The following FURIN variants were observed in gnomAD, a reference collection of about 807,000 sequenced individuals.
FURIN encodes furin, paired basic amino acid cleaving enzyme.
FURIN carries 18 observed loss-of-function variants against 89.2 expected under a neutral mutation model. That is an observed-to-expected ratio of 0.20 (90% confidence interval 0.14 to 0.30). The LOEUF is 0.30. Ranked by LOEUF, FURIN falls within the 10% of genes least tolerant of loss-of-function variation. The pLI, the probability that FURIN is intolerant of heterozygous loss-of-function variation, is 1.00. For missense variants in FURIN, 879 were observed against 1,100.5 expected (o/e 0.80, Z 2.85); for synonymous variants, 508 against 466.4 (o/e 1.09, Z -1.15).
chr15:90,871,494 C>A (rs1412417437), intron 1 of FURIN: 7 of 148,854 alleles, frequency 4.7e-5, no homozygotes, highest in Non-Finnish European at 9.0e-5. Flanking sequence ...CTGGGGCCCA[C>A]GGCGCTGGGA....
In FURIN at chr15:90,878,771, G is replaced by C. The variant is rs369507279; in HGVS notation, c.848G>C (p.Gly283Ala). ...AGCCCACTCTGTCCACAGGGCCGAG[G>C]GGGGCTGGGCTCCATCTTTGTCTGG... ...AFFRGVSQGR[G>A]GLGSIFVWAS... The change falls in exon 9 of 16, where the codon GGG (glycine) becomes GCG (alanine). Residue 283 changes from glycine (G) to alanine (A), a missense_variant. Physicochemically the swap from Gly to Ala is moderately conservative, Grantham distance 60 (BLOSUM62 0). This residue lies in a region of FURIN where 156 missense variants were observed against 243.7 expected (regional missense o/e 0.64). Coordinates refer to ENST00000268171, the MANE Select transcript of FURIN (RefSeq NM_002569.4). 2.9e-5 allele frequency: 46 copies of C among 1,601,780 alleles called. No individual in the cohort carries two copies. Among genetic ancestry groups the C allele is most frequent in the South Asian group, 1.4e-4 (13 of 90,848 alleles).
intron 13 of FURIN, 102 bp downstream of exon 13, chr15:90,880,375 A>T: frequency 1.1e-6 from 1 of 952,052 alleles, no homozygotes; most frequent in Non-Finnish European, 1.5e-6. Context: ...ACTGAGTGCT[A>T]CTCAGTGGGG....
Position 90,879,479 on chromosome 15 carries a change from T to C in FURIN, c.1089T>C (p.Ser363=). 3.1e-6 allele frequency: 5 copies of C among 1,613,506 alleles called. No homozygotes were observed. The highest frequency in any genetic ancestry group is 4.2e-6 in the Non-Finnish European group (5 of 1,179,650). Residue 363 remains serine (S), a synonymous_variant, in exon 10 of 16, where the codon TCT becomes TCC. Coordinates refer to ENST00000268171, the MANE Select transcript of FURIN (RefSeq NM_002569.4). ...TTDLRQKCTE[S]HTGTSASAPL... ...ACTTGCGGCAGAAGTGCACGGAGTC[T>C]CACACGGGCACCTCAGCCTCTGCCC... is the stretch of plus-strand genomic sequence containing the variant.
In FURIN at chr15:90,882,058, G is replaced by C; in HGVS notation, c.*180G>C. On this transcript the variant is annotated 3_prime_UTR_variant, in exon 16 of 16. Coordinates refer to ENST00000268171, the MANE Select transcript of FURIN (RefSeq NM_002569.4). ...ACCTGAGGTGGGCCCAGGACCAGCT[G>C]GGGCGTGGGGAGGGCCGTACCCCAC... is the stretch of plus-strand genomic sequence containing the variant. 1.7e-6 allele frequency: 1 copy of C among 593,266 alleles called. No homozygotes were observed. Among genetic ancestry groups the C allele is most frequent in the East Asian group, 2.9e-5 (1 of 34,038 alleles). 36.8% of individuals were successfully genotyped at this position (593,266 alleles called of 1,614,324 possible).
In FURIN at chr15:90,882,015, C is replaced by T. The variant is rs2032010120; in HGVS notation, c.*137C>T. 3.0e-6 allele frequency: 2 copies of T among 674,268 alleles called. No individual in the cohort carries two copies. Among genetic ancestry groups the T allele is most frequent in the Non-Finnish European group, 2.5e-6 (1 of 394,306 alleles). The allele number at this position is 674,268 out of a possible 1,614,324, so 41.8% of individuals were successfully genotyped here. A position where few individuals can be genotyped will look rare whatever the true frequency, so the allele number is the denominator to read the frequency against. On this transcript the variant is annotated 3_prime_UTR_variant, in exon 16 of 16. Transcript: ENST00000268171. The stretch of plus-strand genomic sequence containing the variant: ...GGGTGGAGACTGCTTCCCATCCTAC[C>T]CTCGGGCCCACCTGGCCACCTGAGG...
chr15:90,881,298 G>T lies in FURIN; in HGVS notation c.1805G>T (p.Gly602Val). The T allele has an allele frequency of 6.2e-7, 1 of 1,600,214 alleles. No homozygotes were observed. Among genetic ancestry groups the T allele is most frequent in the Non-Finnish European group, 8.5e-7 (1 of 1,170,826 alleles). Reference protein sequence around the residue: ...SSQACVVCEEGFSLHQKSCVQ... With the variant: ...SSQACVVCEEVFSLHQKSCVQ... ...CCCACGCCGGCAGTGTGCGAGGAAG[G>T]CTTCTCCCTGCACCAGAAGAGCTGT... The change falls in exon 16 of 16, where the codon GGC becomes GTC. Residue 602 changes from glycine (G) to valine (V), a missense_variant. Gly to Val is a moderately radical substitution (Grantham distance 109, BLOSUM62 -3). Transcript: ENST00000268171. This position sits in a 1 kb window ranked among gnomAD's most constrained non-coding sequence, Gnocchi z 4.3.
chr15:90,879,055 T>A, intron 9 of FURIN, 79 bp downstream of exon 9: 2 of 896,044 alleles, frequency 2.2e-6, no homozygotes, highest in Non-Finnish European at 3.5e-6. Context: ...TTGGAGGCTG[T>A]CTGCCTCCAC....
Position 90,880,786 on chromosome 15 carries a change from T to C in FURIN, c.1652T>C (p.Ile551Thr), listed in dbSNP as rs1567085055. 6.2e-7 allele frequency: 1 copy of C among 1,613,616 alleles called. No individual in the cohort carries two copies. Among genetic ancestry groups the C allele is most frequent in the African/African-American group, 1.3e-5 (1 of 74,852 alleles). Residue 551 changes from isoleucine to threonine, a missense_variant, in exon 14 of 16, where the codon ATT becomes ACT. Physicochemically the swap from Ile to Thr is moderately conservative, Grantham distance 89 (BLOSUM62 -1). Coordinates refer to ENST00000268171, the MANE Select transcript of FURIN (RefSeq NM_002569.4). Reference sequence around the variant, plus strand: ...CCCTCTGGCGAGTGGGTCCTAGAGATTGAAAACACCAGCGAAGCCAACAAC... The same window carrying C: ...CCCTCTGGCGAGTGGGTCCTAGAGACTGAAAACACCAGCGAAGCCAACAAC... The part of the protein sequence containing the change: ...EDPSGEWVLE[I>T]ENTSEANNYG...
intron 1 of FURIN, among the ~76,000 whole-genome samples, chr15:90,869,703 AG>A (rs1385604275): frequency 6.6e-6 from 1 of 152,200 alleles, no homozygotes; most frequent in Non-Finnish European, 1.5e-5. Flanking sequence ...ATCTGAGCCT[AG>A]GCTAGCCCCT....
At chr15:90,871,137 G>A (rs973187325) in intron 1 of FURIN, among the ~76,000 whole-genome samples, 2 of 152,154 alleles carry the variant, frequency 1.3e-5, no homozygotes, top group Admixed American at 6.5e-5. Flanking sequence ...CGCCGTCCCT[G>A]GGCACTTAAC....
At chr15:90,878,055 G>T in intron 7 of FURIN, 77 bp from the exon 8 acceptor site, 3 of 1,438,296 alleles carry the variant, frequency 2.1e-6, no homozygotes, top group South Asian at 1.2e-5. Context: ...TGCAGGGCTG[G>T]GTGTGCTCCT....
rs780849062 is a variant in FURIN at position 90,880,149 on chromosome 15, C to T, written c.1432C>T (p.Pro478Ser). 31 of 1,612,200 alleles carry T rather than the reference C, an allele frequency of 1.9e-5. No homozygotes were observed. Among genetic ancestry groups the T allele is most frequent in the Non-Finnish European group, 2.2e-5 (26 of 1,179,430 alleles). The part of the protein sequence containing the change: ...RKTVTACLGE[P>S]NHITRLEHAQ... ...GACCGTGACCGCGTGCCTGGGCGAG[C>T]CCAACCACATCACTCGGCTGGAGCA... The change falls in exon 13 of 16, where the codon CCC (proline) becomes TCC (serine). Residue 478 changes from proline (P) to serine (S), a missense_variant. This residue lies in a region of FURIN where 457 missense variants were observed against 490.7 expected (regional missense o/e 0.93). Coordinates refer to ENST00000268171, the MANE Select transcript of FURIN (RefSeq NM_002569.4).
intron 1 of FURIN, among the ~76,000 whole-genome samples, chr15:90,875,145 G>T (rs2031539849): frequency 6.8e-6 from 1 of 146,372 alleles, no homozygotes; most frequent in Non-Finnish European, 1.5e-5. Context: ...AGCAATTCTT[G>T]TGCCTCAGCC....
Position 90,875,633 on chromosome 15 carries a change from C to A in FURIN, c.-108C>A. The stretch of plus-strand genomic sequence containing the variant: ...CCTGCCCGTCTCGGCCCCATGCCCC[C>A]ACCAGTCAGCCCCGGGCCACAGGCA... On this transcript the variant is annotated 5_prime_UTR_variant, in exon 2 of 16. Transcript: ENST00000268171. 1.0e-6 allele frequency: 1 copy of A among 999,074 alleles called. No individual in the cohort carries two copies. Among genetic ancestry groups the A allele is most frequent in the South Asian group, 1.7e-5 (1 of 58,456 alleles). 61.9% of individuals were successfully genotyped at this position (999,074 alleles called of 1,614,324 possible).
chr15:90,869,855 T>C (rs2031204932), intron 1 of FURIN, among the ~76,000 whole-genome samples: 3 of 152,252 alleles, frequency 2.0e-5, no homozygotes, highest in Admixed American at 1.3e-4. Context: ...GGGCCAGCCC[T>C]GTCCCTGTTT....
At chr15:90,872,587 C>G (rs2031377925) in intron 1 of FURIN, among the ~76,000 whole-genome samples, 1 of 152,156 alleles carries the variant, frequency 6.6e-6, no homozygotes, top group Non-Finnish European at 1.5e-5. Context: ...TTCTACGGAG[C>G]ATTTGATTTT....
chr15:90,876,623 T>G lies in FURIN; in HGVS notation c.372+66T>G. ...GCACCATCCACCCACTATGAGCTCT[T>G]GGATGGAGGAGGCTGTCTTCGAGGC... On this transcript the variant is annotated intron_variant, in intron 4 of 15. Transcript: ENST00000268171. This position sits in a 1 kb window ranked among gnomAD's most constrained non-coding sequence, Gnocchi z 5.0. 4 of 1,055,078 alleles carry G rather than the reference T, an allele frequency of 3.8e-6. No individual in the cohort carries two copies. Among genetic ancestry groups the G allele is most frequent in the Non-Finnish European group, 4.4e-6 (3 of 679,194 alleles). 65.4% of individuals were successfully genotyped at this position (1,055,078 alleles called of 1,614,324 possible). A position where few individuals can be genotyped will look rare whatever the true frequency, so the allele number is the denominator to read the frequency against.
At chr15:90,877,729 A>C (rs918423947) in intron 7 of FURIN, 114 bp downstream of exon 7, 18 of 752,856 alleles carry the variant, frequency 2.4e-5, no homozygotes, top group Middle Eastern at 2.5e-4. Flanking sequence ...TCCTTTGATC[A>C]CGTGGCTGTT....
In FURIN at chr15:90,878,477, C is replaced by T. The variant is rs551825175; in HGVS notation, c.840+173C>T. On this transcript the variant is annotated intron_variant, in intron 8 of 15. Transcript: ENST00000268171. ...AGAGTGCATATACCACTTGGACTTG[C>T]CTAATTAAAAAACACATTTTTTTTA... Among the ~76,000 whole-genome samples the T allele has an allele frequency of 9.1e-4, 139 of 152,304 alleles. 1 individual carries two copies. The highest frequency in any genetic ancestry group is 3.4e-3 in the Middle Eastern group (1 of 294).
Sources: gnomAD v4.1 joint callset for allele counts (sites outside exome capture counted in the v4.1 genomes callset) on GRCh38, gnomAD v4.1.1 for gene constraint, gnomAD v4.1.1 regional missense constraint, Gnocchi (gnomAD v3.1) non-coding constraint, MANE v1.5 for transcripts, NCBI Gene and HGNC (gene_info 2026-07-23, HGNC 2026-07-21) for gene names.